KLHL1: variants seen among roughly 807,000 people sequenced by gnomAD.
KLHL1 encodes the protein kelch-like protein 1.
A neutral mutation model predicts 77.7 loss-of-function variants in KLHL1; 47 were observed. The observed-to-expected ratio is 0.60, with a 90% CI of 0.48 to 0.77. The LOEUF is 0.77. KLHL1 is among the 30% of genes least tolerant of loss of function. KLHL1 has a pLI of 0.00. For missense variants in KLHL1, 925 were observed against 910.8 expected (o/e 1.02, Z -0.20); for synonymous variants, 360 against 325.2 (o/e 1.11, Z -1.15).
At chr13:70,078,886 G>A (rs1342771812) in intron 1 of KLHL1, among the ~76,000 whole-genome samples, 1 of 152,110 alleles carries the variant, frequency 6.6e-6, no homozygotes, top group Non-Finnish European at 1.5e-5. Context: ...ATGTTGAAAT[G>A]AACCCACTTA....
At chr13:69,814,077 C>T (rs1009027687) in intron 6 of KLHL1, among the ~76,000 whole-genome samples, 3 of 151,912 alleles carry the variant, frequency 2.0e-5, no homozygotes, top group Non-Finnish European at 4.4e-5. Context: ...AATAGAGACC[C>T]CTGAAATAAA....
chr13:69,878,770 T>G (rs898303475), intron 5 of KLHL1, among the ~76,000 whole-genome samples: 5 of 151,836 alleles, frequency 3.3e-5, no homozygotes, highest in Admixed American at 2.6e-4. Context: ...CAAAGGAATA[T>G]AAATCATGCT....
intron 5 of KLHL1, among the ~76,000 whole-genome samples, chr13:69,855,968 A>G (rs2325245): frequency 0.16 from 23,535 of 146,854 alleles, 2,404 homozygotes; most frequent in African/African-American, 0.28. Flanking sequence ...TAACATATAT[A>G]ATATACATGT....
rs544710786 is a variant in KLHL1 at position 69,858,672 on chromosome 13, A to G, written c.1228-19510T>C. Among the ~76,000 whole-genome samples the G allele has an allele frequency of 4.6e-5, 7 of 152,172 alleles. No individual in the cohort carries two copies. The East Asian group carries it at 1.4e-3, about 30-fold the overall frequency. ...GAAAAAGACATGTAGCTATAAGAAAATAATGAAAATTTTTCTATTAGTGGA... is the reference window on the plus strand; with the variant it reads ...GAAAAAGACATGTAGCTATAAGAAAGTAATGAAAATTTTTCTATTAGTGGA... On this transcript the variant is annotated intron_variant, in intron 5 of 10. Transcript: ENST00000377844.
chr13:70,099,474 G>C (rs529547755), intron 1 of KLHL1, among the ~76,000 whole-genome samples: 9 of 151,982 alleles, frequency 5.9e-5, no homozygotes, highest in African/African-American at 2.2e-4. Flanking sequence ...AAGGCAACAA[G>C]ACTCAATGTA....
intron 5 of KLHL1, among the ~76,000 whole-genome samples, chr13:69,868,960 T>G (rs1021029609): frequency 2.0e-5 from 3 of 152,258 alleles, no homozygotes; most frequent in East Asian, 1.9e-4. Flanking sequence ...CAGTTCAGTA[T>G]GGCATCACGT....
intron 7 of KLHL1, among the ~76,000 whole-genome samples, chr13:69,766,287 AGTT>A (rs1875297860): frequency 6.6e-6 from 1 of 152,082 alleles, no homozygotes; most frequent in Admixed American, 6.6e-5. Flanking sequence ...AAACTACAAG[AGTT>A]GTTTTTCATT....
At chr13:70,038,576 CATTAA>C (rs1458503421) in intron 1 of KLHL1, among the ~76,000 whole-genome samples, 11 of 106,298 alleles carry the variant, frequency 1.0e-4, no homozygotes, top group African/African-American at 3.5e-4. Flanking sequence ...TTGGGATTGT[CATTAA>C]TTTTTTTTTT....
chr13:69,719,725 TACTC>T (rs1210550871), intron 8 of KLHL1, 144 bp from the exon 9 acceptor site: 10 of 627,304 alleles, frequency 1.6e-5, no homozygotes, highest in East Asian at 8.3e-5. Flanking sequence ...TTGTTAAAGA[TACTC>T]AATAAATGAT....
chr13:70,078,161 A>G (rs1322237561), intron 1 of KLHL1, among the ~76,000 whole-genome samples: 1 of 151,898 alleles, frequency 6.6e-6, no homozygotes, highest in Non-Finnish European at 1.5e-5. Context: ...TCTGTCTAGC[A>G]TGCTCTAATG....
At chr13:69,744,894 G>T (rs1176152523) in intron 7 of KLHL1, among the ~76,000 whole-genome samples, 3 of 151,892 alleles carry the variant, frequency 2.0e-5, no homozygotes, top group African/African-American at 7.3e-5. Flanking sequence ...AAATTTGCAT[G>T]GTTTCCAGTT....
intron 4 of KLHL1, among the ~76,000 whole-genome samples, chr13:69,899,296 T>A (rs139473734): frequency 6.6e-6 from 1 of 152,128 alleles, no homozygotes; most frequent in East Asian, 1.9e-4. Flanking sequence ...CACAATATGA[T>A]GTGCAAATCA....
chr13:70,044,286 T>C (rs893672961), intron 1 of KLHL1, among the ~76,000 whole-genome samples: 1 of 152,212 alleles, frequency 6.6e-6, no homozygotes, highest in African/African-American at 2.4e-5. Flanking sequence ...GTAATTGACA[T>C]TGCATATTGC....
intron 1 of KLHL1, among the ~76,000 whole-genome samples, chr13:70,051,066 T>C (rs2137391893): frequency 6.6e-6 from 1 of 152,116 alleles, no homozygotes; most frequent in South Asian, 2.1e-4. Flanking sequence ...CTGGGAAAGA[T>C]ATTGGAAATG....
chr13:70,099,311 T>C (rs1453112198), intron 1 of KLHL1, among the ~76,000 whole-genome samples: 2 of 151,732 alleles, frequency 1.3e-5, no homozygotes, highest in African/African-American at 4.8e-5. Context: ...GTAAAGCCTA[T>C]GAGCAGTATT....
intron 5 of KLHL1, among the ~76,000 whole-genome samples, chr13:69,862,396 G>A (rs556090402): frequency 1.3e-5 from 2 of 152,144 alleles, no homozygotes; most frequent in South Asian, 2.1e-4. Flanking sequence ...AAGGCACAGG[G>A]CAATGTGAAA....
chr13:69,892,763 T>C (rs916565092), intron 4 of KLHL1, among the ~76,000 whole-genome samples: 16 of 152,320 alleles, frequency 1.1e-4, no homozygotes, highest in African/African-American at 3.9e-4. Context: ...ATAAAAAGTA[T>C]GTGTAGAAAG....
At chr13:69,746,407 C>T (rs1874215203) in intron 7 of KLHL1, among the ~76,000 whole-genome samples, 1 of 151,802 alleles carries the variant, frequency 6.6e-6, no homozygotes, top group Non-Finnish European at 1.5e-5. Context: ...GCTTACTGCT[C>T]TAAAGTCTAA....
At chr13:69,937,687 G>T (rs1883229444) in intron 4 of KLHL1, among the ~76,000 whole-genome samples, 1 of 152,058 alleles carries the variant, frequency 6.6e-6, no homozygotes, top group Non-Finnish European at 1.5e-5. Flanking sequence ...CCAGTATTTT[G>T]CATGATTCAT....
Sources: allele counts gnomAD v4.1 joint callset (sites outside exome capture counted in the v4.1 genomes callset), GRCh38; gene constraint gnomAD v4.1.1; transcripts MANE v1.5; gene names NCBI Gene and HGNC (gene_info 2026-07-23, HGNC 2026-07-21).